Variants in DOP1B observed in about 807,000 individuals in gnomAD.
DOP1B encodes the protein DOP1 leucine zipper like protein B.
DOP1B carries 174 observed loss-of-function variants against 233.5 expected under a neutral mutation model. The observed-to-expected ratio is 0.75, with a 90% confidence interval of 0.66 to 0.85. The LOEUF is 0.85. Among genes scored for constraint, DOP1B ranks in the 40% least tolerant of loss-of-function variants. DOP1B has a pLI of 0.00. For synonymous variants in DOP1B, 1,190 were observed against 1,185.6 expected, an observed-to-expected ratio of 1.00 and a Z score of -0.08; for missense variants, 2,652 against 2,846.6, an observed-to-expected ratio of 0.93 and a Z score of 1.56.
intron 17 of DOP1B, among the ~76,000 whole-genome samples, chr21:36,238,906 C>T (rs944210838): frequency 1.3e-5 from 2 of 152,142 alleles, no homozygotes; most frequent in African/African-American, 4.8e-5. Context: ...AGTTAGAGAC[C>T]AGCCTGGCCA....
intron 23 of DOP1B, among the ~76,000 whole-genome samples, chr21:36,259,275 T>C (rs2067142961): frequency 6.8e-6 from 1 of 148,066 alleles, no homozygotes; most frequent in East Asian, 2.0e-4. Flanking sequence ...TTTTTTTTTT[T>C]TTTCTTTTTT....
chr21:36,237,452 C>CCCGG, intron 16 of DOP1B, 38 bp downstream of exon 16: 6 of 1,610,970 alleles, frequency 3.7e-6, no homozygotes, highest in Non-Finnish European at 5.1e-6. Context: ...CCTGCAGCAC[C>CCCGG]CCGGCCCCTG....
At chr21:36,290,492 G>A (rs2067543514) in intron 35 of DOP1B, among the ~76,000 whole-genome samples, 1 of 151,922 alleles carries the variant, frequency 6.6e-6, no homozygotes, top group East Asian at 1.9e-4. Context: ...GAAAAACCCT[G>A]TCTCTACTAA....
chr21:36,160,106 G>C, intron 1 of DOP1B, among the ~76,000 whole-genome samples: 1 of 151,390 alleles, frequency 6.6e-6, no homozygotes, highest in East Asian at 1.9e-4. Flanking sequence ...GAGATGCTGG[G>C]TTTCAGAACT....
chr21:36,239,014 A>C (rs1292204298), intron 17 of DOP1B, among the ~76,000 whole-genome samples: 4 of 152,118 alleles, frequency 2.6e-5, no homozygotes, highest in Non-Finnish European at 1.5e-5. Flanking sequence ...GAGGCAGTAG[A>C]ATCACTTGAA....
intron 2 of DOP1B, among the ~76,000 whole-genome samples, chr21:36,180,725 A>G (rs1569003829): frequency 6.6e-6 from 1 of 152,184 alleles, no homozygotes; most frequent in Admixed American, 6.5e-5. Flanking sequence ...TACTAAAAAT[A>G]CAAAAAATAG....
At position 36,202,260 on chromosome 21, in the gene DOP1B, A is replaced by G. The variant is rs1382822677; in HGVS notation, c.491+1759A>G. Among the ~76,000 whole-genome samples the G allele has an allele frequency of 3.3e-5, 5 of 152,212 alleles. No individual in the cohort carries two copies. In the East Asian group the frequency reaches 7.7e-4, roughly 23 times the overall value. On this transcript the variant is annotated intron_variant, in intron 4 of 36. Coordinates refer to ENST00000691173, the MANE Select transcript of DOP1B (RefSeq NM_001320714.2). ...GTGACCTTTGTTTCCGGAGAAGTAT[A>G]AAGTAAGAACTCACTTCCAGCTTAT...
At chr21:36,222,317 G>A (rs1350072822) in intron 10 of DOP1B, among the ~76,000 whole-genome samples, 1 of 151,924 alleles carries the variant, frequency 6.6e-6, no homozygotes, top group East Asian at 2.0e-4. Flanking sequence ...TATGGCTTAT[G>A]CCTGTAATTC....
chr21:36,193,855 A>G (rs8128925), intron 2 of DOP1B, among the ~76,000 whole-genome samples: 42,418 of 152,000 alleles, frequency 0.28, 6,412 homozygotes, highest in African/African-American at 0.41. Flanking sequence ...TGGAGTCTCC[A>G]TCTTTAAATA....
intron 15 of DOP1B, among the ~76,000 whole-genome samples, chr21:36,233,630 C>A (rs2066792779): frequency 6.6e-6 from 1 of 152,192 alleles, no homozygotes; most frequent in African/African-American, 2.4e-5. Context: ...CGTAGGTTTT[C>A]CGGAATAAAT....
At chr21:36,290,295 C>T (rs1601487853) in intron 35 of DOP1B, among the ~76,000 whole-genome samples, 2 of 152,152 alleles carry the variant, frequency 1.3e-5, no homozygotes, top group South Asian at 2.1e-4. Flanking sequence ...GAGGCTGAGG[C>T]GGGTGGATCA....
intron 16 of DOP1B, among the ~76,000 whole-genome samples, chr21:36,238,124 G>A (rs375008537): frequency 1.2e-3 from 189 of 152,282 alleles, no homozygotes; most frequent in South Asian, 2.3e-3. Flanking sequence ...CCGAGATCGC[G>A]CCACTGCACT....
At chr21:36,193,963 A>G (rs904619572) in intron 2 of DOP1B, among the ~76,000 whole-genome samples, 3 of 151,998 alleles carry the variant, frequency 2.0e-5, no homozygotes, top group Admixed American at 2.0e-4. Flanking sequence ...ATACATGGTA[A>G]CTCTTTATGC....
At chr21:36,238,187 T>A (rs2066848737) in intron 16 of DOP1B, among the ~76,000 whole-genome samples, 1 of 152,154 alleles carries the variant, frequency 6.6e-6, no homozygotes, top group Non-Finnish European at 1.5e-5. Context: ...TAAATAAAAA[T>A]AATAATAAAC....
chr21:36,273,983 CA>C (rs2067321092), intron 27 of DOP1B, among the ~76,000 whole-genome samples: 1 of 152,048 alleles, frequency 6.6e-6, no homozygotes, highest in African/African-American at 2.4e-5. Context: ...GAGGCTGAGG[CA>C]GGAGAATGGC....
At chr21:36,269,150 G>C (rs2067260020) in intron 26 of DOP1B, among the ~76,000 whole-genome samples, 1 of 152,090 alleles carries the variant, frequency 6.6e-6, no homozygotes, top group African/African-American at 2.4e-5. Context: ...CTGATTAATA[G>C]GTTGTTTTTG....
intron 2 of DOP1B, among the ~76,000 whole-genome samples, chr21:36,176,821 C>G (rs2123421343): frequency 6.6e-6 from 1 of 152,028 alleles, no homozygotes; most frequent in East Asian, 1.9e-4. Context: ...CTCCCCTCCC[C>G]TTTCTTTTCT....
rs548236556 is a variant in DOP1B, at chr21:36,281,739, G to A, written c.6160+128G>A. On this transcript the variant is annotated intron_variant, in intron 32 of 36. Coordinates refer to ENST00000691173, the MANE Select transcript of DOP1B (RefSeq NM_001320714.2). The stretch of plus-strand genomic sequence containing the variant: ...GAGAAGTCCTATATCCAGGGCTGGC[G>A]TCTGGCAAGGGCCTTCTTGCTGCAA... 38 of 847,352 alleles carry A rather than the reference G, an allele frequency of 4.5e-5. No individual in the cohort carries two copies. The East Asian group carries it at 5.9e-4, about 13-fold the overall frequency. The allele number at this position is 847,352 out of a possible 1,614,324, so 52.5% of individuals were successfully genotyped here.
At chr21:36,230,413 A>AAG in intron 13 of DOP1B, 37 bp from the exon 14 acceptor site, 1 of 1,566,734 alleles carries the variant, frequency 6.4e-7, no homozygotes, top group Non-Finnish European at 8.7e-7. Flanking sequence ...GCTTGGTGTT[A>AAG]AGAGATGCAC....
Sources: allele counts gnomAD v4.1 joint callset (sites outside exome capture counted in the v4.1 genomes callset), GRCh38; gene constraint gnomAD v4.1.1; transcripts MANE v1.5; gene names NCBI Gene and HGNC (gene_info 2026-07-23, HGNC 2026-07-21).